The following DOCK10 variants were observed in gnomAD, a reference collection of about 807,000 sequenced individuals.
The protein encoded by DOCK10 is dedicator of cytokinesis 10.
In DOCK10, 145 loss-of-function variants were observed where a neutral mutation model predicts 280.1. That is an observed-to-expected ratio of 0.52 (90% confidence interval 0.45 to 0.59). DOCK10 has a LOEUF of 0.59. Among genes scored for constraint, DOCK10 ranks in the 20% least tolerant of loss-of-function variants. DOCK10 has a pLI of 0.00. For synonymous variants in DOCK10, 915 were observed against 942.2 expected (o/e 0.97, Z 0.53); for missense variants, 2,368 against 2,651.7 (o/e 0.89, Z 2.35).
intron 1 of DOCK10, among the ~76,000 whole-genome samples, chr2:224,956,733 G>C (rs1704066553): frequency 1.3e-5 from 2 of 150,486 alleles, no homozygotes; most frequent in African/African-American, 4.9e-5. Context: ...TCACCTAATA[G>C]TTTTCTTAGG....
chr2:224,833,402 A>C (rs1004132630), intron 26 of DOCK10, among the ~76,000 whole-genome samples: 1 of 151,218 alleles, frequency 6.6e-6, no homozygotes, highest in Non-Finnish European at 1.5e-5. Flanking sequence ...TCCTGCAGAC[A>C]CACCAGCCAT....
intron 1 of DOCK10, among the ~76,000 whole-genome samples, chr2:224,961,412 C>CTCTTTCTTTCTTTCCTTTCTT (rs1704392074): frequency 8.4e-6 from 1 of 119,382 alleles, no homozygotes; most frequent in African/African-American, 3.4e-5. Context: ...TTCTTTCTTT[C>CTCTTTCTTTCTTTCCTTTCTT]TCTTTCTTTC....
chr2:224,944,652 A>G (rs1223495720), intron 1 of DOCK10, among the ~76,000 whole-genome samples: 2 of 152,234 alleles, frequency 1.3e-5, no homozygotes, highest in Non-Finnish European at 2.9e-5. Context: ...CTTCCTCAGG[A>G]TATCTGTTTC....
At chr2:224,961,923 A>C (rs1385127941) in intron 1 of DOCK10, among the ~76,000 whole-genome samples, 1 of 152,228 alleles carries the variant, frequency 6.6e-6, no homozygotes, top group African/African-American at 2.4e-5. Context: ...ATTTTTTAGC[A>C]TAAGAAGATG....
intron 1 of DOCK10, among the ~76,000 whole-genome samples, chr2:224,951,836 A>G (rs1703748810): frequency 1.3e-5 from 2 of 152,162 alleles, no homozygotes; most frequent in South Asian, 4.1e-4. Flanking sequence ...TATTCCTTAC[A>G]GTTGTAGGAC....
intron 1 of DOCK10, among the ~76,000 whole-genome samples, chr2:225,030,005 G>T (rs188659432): frequency 6.6e-6 from 1 of 151,828 alleles, no homozygotes; most frequent in African/African-American, 2.4e-5. Flanking sequence ...AATTAACCAG[G>T]TGTGGTGGCA....
intron 1 of DOCK10, among the ~76,000 whole-genome samples, chr2:224,966,895 G>GA (rs60840288): frequency 0.029 from 4,197 of 142,654 alleles, 188 homozygotes; most frequent in African/African-American, 0.098. Flanking sequence ...GTACTCAGAT[G>GA]AAAAAAAAAA....
chr2:224,881,765 T>C (rs190653595), intron 7 of DOCK10, among the ~76,000 whole-genome samples: 31 of 152,336 alleles, frequency 2.0e-4, no homozygotes, highest in Middle Eastern at 3.4e-3. Flanking sequence ...TTTTCAGAAC[T>C]TGAGTTGCTA....
intron 11 of DOCK10, among the ~76,000 whole-genome samples, chr2:224,868,118 A>C (rs1278849309): frequency 6.6e-6 from 1 of 152,182 alleles, no homozygotes; most frequent in Non-Finnish European, 1.5e-5. Context: ...AAGTATCAAC[A>C]TGCAAAGGAT....
intron 25 of DOCK10, 91 bp downstream of exon 25, chr2:224,837,671 G>T: frequency 9.3e-7 from 1 of 1,075,462 alleles, no homozygotes; most frequent in Non-Finnish European, 1.4e-6. Context: ...CTCAGTTAAA[G>T]GGAGAAAACT....
rs547378459 is a variant in DOCK10, at chr2:224,931,690, T to C, written c.124-22A>G. ...CTTGCTGTAGAAAAAGAAAATATGG[T>C]ATTAATCACTGACATACACCATCTC... On this transcript the variant is annotated intron_variant, in intron 1 of 55. Transcript: ENST00000258390. 3.8e-6 allele frequency: 6 copies of C among 1,566,734 alleles called. No homozygotes were observed. In the African/African-American group the frequency reaches 8.1e-5, roughly 21 times the overall value.
In DOCK10 at chr2:225,042,409, C is replaced by T. The variant is rs1481191632; in HGVS notation, c.-35G>A. ...CGCCAATCGCGCCGCGGGCCCGGGG[C>T]GCGCCTCCCGCCGGTCTTCCCCGCG... On this transcript the variant is annotated 5_prime_UTR_variant, in exon 1 of 56. Coordinates refer to ENST00000258390, the MANE Select transcript of DOCK10 (RefSeq NM_014689.3). The surrounding 1 kb of genome is among the most constrained non-coding windows in gnomAD (Gnocchi z 5.1). 167 of 1,228,770 alleles carry T rather than the reference C, an allele frequency of 1.4e-4. No individual in the cohort carries two copies. The highest frequency in any genetic ancestry group is 3.4e-4 in the Admixed American group (8 of 23,274). 76.1% of individuals were successfully genotyped at this position (1,228,770 alleles called of 1,614,324 possible).
At chr2:224,831,486 G>C (rs763309987) in intron 26 of DOCK10, among the ~76,000 whole-genome samples, 2 of 152,180 alleles carry the variant, frequency 1.3e-5, no homozygotes, top group African/African-American at 4.8e-5. Flanking sequence ...CCAAGGCTCC[G>C]TCCTGCCCCT....
intron 1 of DOCK10, among the ~76,000 whole-genome samples, chr2:225,035,542 TTA>T (rs57424275): frequency 0.036 from 1,815 of 49,820 alleles, 88 homozygotes; most frequent in South Asian, 0.06. Context: ...ATGATATATA[TTA>T]TATATATATA....
At chr2:224,879,646 T>G (rs1698859047) in intron 7 of DOCK10, among the ~76,000 whole-genome samples, 2 of 151,950 alleles carry the variant, frequency 1.3e-5, no homozygotes, top group Non-Finnish European at 2.9e-5. Flanking sequence ...TATTCCCAGC[T>G]ATTTGGGAGG....
chr2:224,997,217 CCCTTCCTT>C (rs112083031), intron 1 of DOCK10, among the ~76,000 whole-genome samples: 2 of 146,536 alleles, frequency 1.4e-5, no homozygotes, highest in African/African-American at 2.6e-5. Flanking sequence ...TTCCCTCCCT[CCCTTCCTT>C]CCTTCCTTCC....
chr2:225,033,761 T>C (rs1247158779), intron 1 of DOCK10, among the ~76,000 whole-genome samples: 2 of 152,190 alleles, frequency 1.3e-5, no homozygotes. Context: ...TCAACCTTCT[T>C]ATTTGTAAAC....
At chr2:225,034,736 T>C (rs1490709862) in intron 1 of DOCK10, among the ~76,000 whole-genome samples, 3 of 152,060 alleles carry the variant, frequency 2.0e-5, no homozygotes, top group Non-Finnish European at 4.4e-5. Flanking sequence ...GGCAAGAGGG[T>C]TGGAAGACAA....
chr2:224,959,972 T>C (rs1704269030), intron 1 of DOCK10, among the ~76,000 whole-genome samples: 1 of 152,144 alleles, frequency 6.6e-6, no homozygotes, highest in South Asian at 2.1e-4. Context: ...GTTGTGGAAA[T>C]TGTACCTTGA....
Sources: gnomAD v4.1 joint callset for allele counts (sites outside exome capture counted in the v4.1 genomes callset) on GRCh38, gnomAD v4.1.1 for gene constraint, Gnocchi (gnomAD v3.1) non-coding constraint, MANE v1.5 for transcripts, NCBI Gene and HGNC (gene_info 2026-07-23, HGNC 2026-07-21) for gene names.